Variants in THOC7 observed in about 807,000 individuals in gnomAD.
THOC7 encodes NIF3L1-binding protein 1.
Under a neutral mutation model 33.1 loss-of-function variants are expected in THOC7, and 22 were observed. The ratio of observed to expected loss-of-function variants is 0.66; its 90% CI spans 0.47 to 0.95. The LOEUF is 0.95. THOC7 is among the 40% of genes least tolerant of loss of function. The probability of loss-of-function intolerance (pLI) is 0.00; values close to 1 mark genes in which losing one functional copy is unlikely to be tolerated. For synonymous variants in THOC7, 77 were observed against 76.8 expected, an observed-to-expected ratio of 1.00 and a Z score of -0.01; for missense variants, 184 against 245.3, an observed-to-expected ratio of 0.75 and a Z score of 1.67.
rs200847006 is a variant in THOC7 at position 63,834,169 on chromosome 3, G to A, written c.578C>T (p.Ala193Val). Residue 193 changes from alanine (A) to valine (V), a missense_variant, in exon 8 of 8, where the codon GCT becomes GTT. By Grantham distance (64) the Ala-to-Val change is moderately conservative. Around this residue, in one of 3 missense-constraint regions of THOC7, gnomAD observed 25 missense variants for 26.5 expected, o/e 0.94. Transcript: ENST00000295899. Reference sequence around the variant, plus strand: ...ATCTGTTTCCATGCTTGCTTCCTGAGCTTCTTCTACCTCTGAGAGTTTTTC... The same window carrying A: ...ATCTGTTTCCATGCTTGCTTCCTGAACTTCTTCTACCTCTGAGAGTTTTTC... ...NDEKLSEVEE[A>V]QEASMETDPK... 2.7e-5 allele frequency: 43 copies of A among 1,614,012 alleles called. No individual in the cohort carries two copies. The South Asian group carries it at 3.6e-4, about 14-fold the overall frequency.
chr3:63,838,563 A>G, intron 2 of THOC7, 64 bp from the exon 3 acceptor site: 1 of 1,434,788 alleles, frequency 7.0e-7, no homozygotes, highest in Middle Eastern at 1.8e-4. Flanking sequence ...GAACTGTTAT[A>G]ATGCAGACAA....
intron 2 of THOC7, among the ~76,000 whole-genome samples, chr3:63,838,793 A>G (rs1316224391): frequency 6.6e-6 from 1 of 152,230 alleles, no homozygotes; most frequent in Non-Finnish European, 1.5e-5. Flanking sequence ...ATACTTTAAG[A>G]TGTTTTTTTA....
chr3:63,839,618 AG>A, intron 2 of THOC7, 37 bp downstream of exon 2: 1 of 1,558,484 alleles, frequency 6.4e-7, no homozygotes, highest in Non-Finnish European at 8.8e-7. Context: ...AAATCACATT[AG>A]GACACTGGTA....
chr3:63,853,108 G>A (rs1278092867), intron 1 of THOC7, among the ~76,000 whole-genome samples: 2 of 147,106 alleles, frequency 1.4e-5, no homozygotes, highest in Admixed American at 7.0e-5. Flanking sequence ...CCTAGATCTC[G>A]CCACTGCACT....
intron 1 of THOC7, among the ~76,000 whole-genome samples, chr3:63,853,157 G>GAA (rs1195911287): frequency 9.5e-5 from 7 of 73,484 alleles, no homozygotes; most frequent in East Asian, 4.5e-4. Context: ...TCTCAAAAAA[G>GAA]AAAAAAAAAA....
chr3:63,853,293 G>A (rs1041685642), intron 1 of THOC7, among the ~76,000 whole-genome samples: 2 of 152,072 alleles, frequency 1.3e-5, no homozygotes, highest in Non-Finnish European at 2.9e-5. Flanking sequence ...ACTAGTTCTG[G>A]CAGCACAGGG....
intron 1 of THOC7, among the ~76,000 whole-genome samples, chr3:63,853,942 T>C (rs1702064065): frequency 6.6e-6 from 1 of 152,148 alleles, no homozygotes; most frequent in African/African-American, 2.4e-5. Flanking sequence ...CCACAACTTG[T>C]ATCATCCTAT....
At chr3:63,834,807 G>A (rs982680618) in intron 7 of THOC7, among the ~76,000 whole-genome samples, 2 of 152,152 alleles carry the variant, frequency 1.3e-5, no homozygotes, top group African/African-American at 4.8e-5. Context: ...CAGTGGGTAT[G>A]CAAATGTTCG....
chr3:63,861,755 T>C (rs1702219452), intron 1 of THOC7: 1 of 151,814 alleles, frequency 6.6e-6, no homozygotes, highest in African/African-American at 2.4e-5. Flanking sequence ...CCTCTAATCA[T>C]TCTGCACATA....
chr3:63,856,912 GT>G (rs1702126261), intron 1 of THOC7, among the ~76,000 whole-genome samples: 1 of 152,148 alleles, frequency 6.6e-6, no homozygotes. Flanking sequence ...TAGAGACGGG[GT>G]TTCACCGTGT....
intron 5 of THOC7, 45 bp from the exon 6 acceptor site, chr3:63,835,435 A>C (rs376084002): frequency 7.5e-5 from 118 of 1,569,500 alleles, no homozygotes; most frequent in Admixed American, 2.2e-4. Flanking sequence ...ATGGGGGAGA[A>C]GAGTTTACAA....
rs762509948 is a variant in THOC7 at position 63,839,692 on chromosome 3, A to C, written c.101T>G (p.Phe34Cys). The change falls in exon 2 of 8, where the codon TTC (phenylalanine) becomes TGC (cysteine). Residue 34 changes from phenylalanine to cysteine, a missense_variant. By Grantham distance (205) the Phe-to-Cys change is radical (BLOSUM62 -2). Transcript: ENST00000295899. ...DRRINLLVKS[F>C]IKWCNSGSQE... The stretch of plus-strand genomic sequence containing the variant: ...GGACCCAGAGTTGCACCATTTAATG[A>C]AACTCTTCACTAGCAGATTAATTCT... 1 of 1,612,498 alleles carries C rather than the reference A, an allele frequency of 6.2e-7. No individual in the cohort carries two copies. Among genetic ancestry groups the C allele is most frequent in the Non-Finnish European group, 8.5e-7 (1 of 1,179,930 alleles).
intron 1 of THOC7, among the ~76,000 whole-genome samples, chr3:63,852,767 A>T (rs1468901587): frequency 6.6e-6 from 1 of 152,216 alleles, no homozygotes; most frequent in Non-Finnish European, 1.5e-5. Flanking sequence ...TAACTGGGAA[A>T]AGCCCAGAGG....
At position 63,838,512 on chromosome 3, in the gene THOC7, A is replaced by C; in HGVS notation, c.138-13T>G. The C allele has an allele frequency of 1.3e-6, 2 of 1,577,354 alleles. No homozygotes were observed. The highest frequency in any genetic ancestry group is 1.7e-6 in the Non-Finnish European group (2 of 1,170,106). ...GTACTGGCTATATCTAATGAAAAAG[A>C]AAGAAAACCAAAATAAAGATATTTG... On this transcript the variant is annotated splice_polypyrimidine_tract_variant and intron_variant, in intron 2 of 7. Transcript: ENST00000295899.
chr3:63,849,199 C>T (rs1701970174), intron 1 of THOC7, among the ~76,000 whole-genome samples: 1 of 152,084 alleles, frequency 6.6e-6, no homozygotes, highest in Admixed American at 6.5e-5. Flanking sequence ...CCAGCCTGGC[C>T]AACATGGTGA....
At chr3:63,845,021 A>T (rs917300712) in intron 1 of THOC7, 2 of 698,618 alleles carry the variant, frequency 2.9e-6, no homozygotes, top group East Asian at 5.4e-5. Flanking sequence ...GTCTCTTGAC[A>T]GATGACCACA....
At chr3:63,863,734 C>A (rs1702303334) in intron 1 of THOC7, 38 bp downstream of exon 1, 9 of 1,248,834 alleles carry the variant, frequency 7.2e-6, no homozygotes, top group Non-Finnish European at 8.0e-6. Flanking sequence ...CCCAGCGGGC[C>A]GTGCAGCGGG....
At chr3:63,841,493 T>C (rs1304473929) in intron 1 of THOC7, among the ~76,000 whole-genome samples, 1 of 152,202 alleles carries the variant, frequency 6.6e-6, no homozygotes, top group African/African-American at 2.4e-5. Flanking sequence ...ATAGTTCCTG[T>C]GTGTAGGCAG....
At chr3:63,839,125 G>A (rs1701700054) in intron 2 of THOC7, among the ~76,000 whole-genome samples, 1 of 152,088 alleles carries the variant, frequency 6.6e-6, no homozygotes, top group South Asian at 2.1e-4. Context: ...GGGGGGCGGA[G>A]GTTGCAGTGA....
Sources: allele counts gnomAD v4.1 joint callset (sites outside exome capture counted in the v4.1 genomes callset), GRCh38; gene constraint gnomAD v4.1.1; regional missense constraint gnomAD v4.1.1; transcripts MANE v1.5; gene names NCBI Gene and HGNC (gene_info 2026-07-23, HGNC 2026-07-21).